Variants in MATN2 observed in about 807,000 individuals in gnomAD.
The protein encoded by MATN2 is matrilin 2.
Under a neutral mutation model 103.2 loss-of-function variants are expected in MATN2, and 69 were observed. That is an observed-to-expected ratio of 0.67 (90% CI 0.55 to 0.82). MATN2 has a LOEUF of 0.82. Among genes scored for constraint, MATN2 ranks in the 40% least tolerant of loss-of-function variants. MATN2 has a pLI of 0.00. For synonymous variants in MATN2, 429 were observed against 450.2 expected, an observed-to-expected ratio of 0.95 and a Z score of 0.60; for missense variants, 1,023 against 1,211.5, an observed-to-expected ratio of 0.84 and a Z score of 2.31.
chr8:97,976,850 C>T (rs917212361), intron 5 of MATN2, among the ~76,000 whole-genome samples: 1 of 152,048 alleles, frequency 6.6e-6, no homozygotes, highest in Non-Finnish European at 1.5e-5. Flanking sequence ...TTAGCCCCAC[C>T]TTCAGTATTT....
chr8:97,957,632 C>A (rs571808028), intron 4 of MATN2, among the ~76,000 whole-genome samples: 1 of 152,274 alleles, frequency 6.6e-6, no homozygotes, highest in African/African-American at 2.4e-5. Context: ...GTTCTTTTAG[C>A]CTCTTGGAGA....
chr8:98,010,824 G>A (rs191449952), intron 10 of MATN2, among the ~76,000 whole-genome samples: 22 of 152,310 alleles, frequency 1.4e-4, no homozygotes, highest in African/African-American at 5.1e-4. Context: ...CTCTGCTGGT[G>A]ATACTCCCAG....
rs1222553426 is a variant in MATN2, at chr8:97,916,236, A to C, written c.143-14717A>C. ...AGGCACGCGCTACAACACCTGGCTAATTTTTGTATTTTTAGTAGAGACGGG... is the reference window on the plus strand; with the variant it reads ...AGGCACGCGCTACAACACCTGGCTACTTTTTGTATTTTTAGTAGAGACGGG... On this transcript the variant is annotated intron_variant, in intron 2 of 18. Coordinates refer to ENST00000254898, the MANE Select transcript of MATN2 (RefSeq NM_002380.5). Among the ~76,000 whole-genome samples the C allele has an allele frequency of 3.3e-5, 5 of 151,954 alleles. No homozygotes were observed. The South Asian group carries it at 1.0e-3, about 32-fold the overall frequency.
rs759854222 is a variant in MATN2, at chr8:98,016,569, G to T, written c.1603G>T (p.Gly535Cys). 3 of 1,610,716 alleles carry T rather than the reference G, an allele frequency of 1.9e-6. No homozygotes were observed. Among genetic ancestry groups the T allele is most frequent in the Non-Finnish European group, 2.5e-6 (3 of 1,178,256 alleles). The change falls in exon 11 of 19, where the codon GGT (glycine) becomes TGT (cysteine). Residue 535 changes from glycine to cysteine, a missense_variant. By Grantham distance (159) the Gly-to-Cys change is radical (BLOSUM62 -3). Transcript: ENST00000254898. ...GGACTCTTGTGCTCTGGGGGACCAC[G>T]GTTGTGAACATTCGTGTGTAAGCAG... ...KLDSCALGDH[G>C]CEHSCVSSED... is the part of the protein sequence containing the mutation.
intron 4 of MATN2, among the ~76,000 whole-genome samples, chr8:97,942,157 T>A (rs1254890536): frequency 6.6e-6 from 1 of 152,220 alleles, no homozygotes; most frequent in African/African-American, 2.4e-5. Flanking sequence ...TTTGGATGTG[T>A]GAACTGGTCT....
chr8:97,907,394 C>T (rs1288992352), intron 2 of MATN2, among the ~76,000 whole-genome samples: 1 of 150,880 alleles, frequency 6.6e-6, no homozygotes, highest in Admixed American at 6.6e-5. Context: ...TCACTGCAAG[C>T]TCCACTTCCC....
chr8:97,892,721 C>T (rs1350600474), intron 2 of MATN2, among the ~76,000 whole-genome samples: 1 of 152,134 alleles, frequency 6.6e-6, no homozygotes. Context: ...ACTTTTTGTT[C>T]TCTATATACC....
intron 7 of MATN2, among the ~76,000 whole-genome samples, chr8:98,001,399 A>G (rs900734644): frequency 4.6e-5 from 7 of 151,938 alleles, no homozygotes; most frequent in African/African-American, 1.7e-4. Flanking sequence ...TCCTTACACT[A>G]CAAGACTCAA....
chr8:97,981,404 G>A (rs1003110672), intron 6 of MATN2, among the ~76,000 whole-genome samples: 19 of 149,414 alleles, frequency 1.3e-4, no homozygotes, highest in Admixed American at 9.2e-4. Context: ...ACCACACCTG[G>A]CCTCCAAAAC....
chr8:98,004,861 G>T (rs1421394477), intron 8 of MATN2, among the ~76,000 whole-genome samples: 1 of 152,200 alleles, frequency 6.6e-6, no homozygotes, highest in African/African-American at 2.4e-5. Flanking sequence ...GCGGCTCCAT[G>T]GTTTTTTATG....
At chr8:97,947,503 A>G (rs1193015821) in intron 4 of MATN2, among the ~76,000 whole-genome samples, 1 of 152,252 alleles carries the variant, frequency 6.6e-6, no homozygotes, top group Non-Finnish European at 1.5e-5. Flanking sequence ...TGAGATTTTA[A>G]AATACCAGGT....
At chr8:98,032,138 T>C (rs1039383593) in intron 15 of MATN2, 108 bp from the exon 16 acceptor site, 32 of 822,592 alleles carry the variant, frequency 3.9e-5, no homozygotes, top group Non-Finnish European at 5.4e-5. Context: ...CTAAAAAACC[T>C]TAGGTTATGG....
intron 5 of MATN2, among the ~76,000 whole-genome samples, chr8:97,974,692 G>A (rs1162620150): frequency 2.0e-5 from 3 of 152,020 alleles, no homozygotes; most frequent in Non-Finnish European, 4.4e-5. Flanking sequence ...TGATCCACCT[G>A]CCTTGGCCTC....
chr8:97,898,921 T>C (rs934295114), intron 2 of MATN2, among the ~76,000 whole-genome samples: 1 of 151,998 alleles, frequency 6.6e-6, no homozygotes, highest in African/African-American at 2.4e-5. Flanking sequence ...GCAATTTTTT[T>C]TTTTCATATT....
chr8:97,936,710 G>A (rs1165358880), intron 3 of MATN2, among the ~76,000 whole-genome samples: 1 of 152,190 alleles, frequency 6.6e-6, no homozygotes, highest in African/African-American at 2.4e-5. Flanking sequence ...AGGGCCTTCT[G>A]AGAAATGAGG....
At chr8:97,974,180 C>T (rs1811757822) in intron 5 of MATN2, among the ~76,000 whole-genome samples, 1 of 151,726 alleles carries the variant, frequency 6.6e-6, no homozygotes, top group South Asian at 2.1e-4. Context: ...CGCTTGTTGC[C>T]CAGGCTGGAG....
intron 18 of MATN2, among the ~76,000 whole-genome samples, chr8:98,034,812 T>C (rs1211435984): frequency 1.3e-5 from 2 of 152,212 alleles, no homozygotes; most frequent in East Asian, 1.9e-4. Flanking sequence ...AATTCTTTCA[T>C]TGTCTTCTCT....
At chr8:98,015,352 G>A (rs1563727160) in intron 10 of MATN2, among the ~76,000 whole-genome samples, 1 of 152,146 alleles carries the variant, frequency 6.6e-6, no homozygotes, top group Non-Finnish European at 1.5e-5. Flanking sequence ...TCAAAACACT[G>A]CAGTGACTGC....
Position 98,035,761 on chromosome 8 carries a change from T to C in MATN2, c.*49T>C. 1 of 1,262,720 alleles carries C rather than the reference T, an allele frequency of 7.9e-7. No individual in the cohort carries two copies. Among genetic ancestry groups the C allele is most frequent in the Non-Finnish European group, 1.1e-6 (1 of 882,902 alleles). 78.2% of individuals were successfully genotyped at this position (1,262,720 alleles called of 1,614,324 possible). ...GTAGTCATTGTATCACGGATTACAA[T>C]GAACGCAGTGCAGAGCCCCAAAGCT... On this transcript the variant is annotated 3_prime_UTR_variant, in exon 19 of 19. Transcript: ENST00000254898.
Sources: gnomAD v4.1 joint callset for allele counts (sites outside exome capture counted in the v4.1 genomes callset) on GRCh38, gnomAD v4.1.1 for gene constraint, MANE v1.5 for transcripts, NCBI Gene and HGNC (gene_info 2026-07-23, HGNC 2026-07-21) for gene names.